Variants in PSD3 observed in about 807,000 individuals in gnomAD.
The protein encoded by PSD3 is pleckstrin and Sec7 domain containing 3.
Under a neutral mutation model 105.5 loss-of-function variants are expected in PSD3, and 49 were observed. The observed-to-expected ratio is 0.46, with a 90% CI of 0.37 to 0.59. PSD3 has a LOEUF of 0.59. Ranked by LOEUF, PSD3 falls within the 20% of genes least tolerant of loss-of-function variation. PSD3 has a pLI of 0.00. For synonymous variants in PSD3, 557 were observed against 457.8 expected (o/e 1.22, Z -2.77); for missense variants, 1,561 against 1,263.8 (o/e 1.24, Z -3.57).
At chr8:18,874,672 C>T (rs1471153997) in intron 2 of PSD3, among the ~76,000 whole-genome samples, 2 of 134,850 alleles carry the variant, frequency 1.5e-5, no homozygotes, top group Non-Finnish European at 3.0e-5. Flanking sequence ...CATTGTAGTC[C>T]AGCCTGGGTG....
At chr8:19,028,668 A>G (rs1021240126) in intron 1 of PSD3, among the ~76,000 whole-genome samples, 3 of 152,120 alleles carry the variant, frequency 2.0e-5, no homozygotes, top group African/African-American at 4.8e-5. Flanking sequence ...GGTGTCTTTG[A>G]AGAACAAATG....
intron 12 of PSD3, among the ~76,000 whole-genome samples, chr8:18,594,216 T>TTA (rs1246274390): frequency 5.5e-4 from 3 of 5,428 alleles, no homozygotes; most frequent in Admixed American, 4.2e-3. Context: ...ATATATATTA[T>TTA]TATATATATT....
Position 18,945,718 on chromosome 8 carries a change from G to A in PSD3, c.22-9576C>T, listed in dbSNP as rs140833656. On this transcript the variant is annotated intron_variant, in intron 1 of 15. Transcript: ENST00000327040. ...CAGCTGGGCGTGGTGGCTCACACCT[G>A]TAATCCCAGCACTTTGGGAGGCCCA... Among the ~76,000 whole-genome samples, 1,261 of 152,324 alleles carry A rather than the reference G, an allele frequency of 8.3e-3. 14 individuals are homozygous for A. The highest frequency in any genetic ancestry group is 0.029 in the African/African-American group (1,215 of 41,570).
chr8:18,733,152 T>C (rs915589503), intron 9 of PSD3: 15 of 152,186 alleles, frequency 9.9e-5, no homozygotes, highest in Non-Finnish European at 1.6e-4. Flanking sequence ...CTTATGACTT[T>C]TGGCTCAATG....
intron 1 of PSD3, among the ~76,000 whole-genome samples, chr8:19,001,124 T>G (rs1013940433): frequency 6.6e-6 from 1 of 151,606 alleles, no homozygotes; most frequent in Non-Finnish European, 1.5e-5. Flanking sequence ...AGATAAGATC[T>G]TGCTCTGTCA....
At chr8:19,032,373 T>C (rs1346615336) in intron 1 of PSD3, among the ~76,000 whole-genome samples, 3 of 152,112 alleles carry the variant, frequency 2.0e-5, no homozygotes, top group African/African-American at 7.2e-5. Context: ...CTGGGTGTGG[T>C]GGCTCACTCC....
intron 9 of PSD3, among the ~76,000 whole-genome samples, chr8:18,671,798 A>C (rs1006051002): frequency 2.6e-5 from 4 of 151,938 alleles, no homozygotes; most frequent in African/African-American, 9.7e-5. Flanking sequence ...CGTCCGGCTA[A>C]TTTTTTGTAT....
At chr8:18,630,950 G>C (rs564185924) in intron 11 of PSD3, among the ~76,000 whole-genome samples, 2 of 152,116 alleles carry the variant, frequency 1.3e-5, no homozygotes, top group Admixed American at 6.6e-5. Flanking sequence ...TTTTATATCA[G>C]GGACTTGAGT....
chr8:18,547,110 G>A (rs1466029912), intron 15 of PSD3, among the ~76,000 whole-genome samples: 1 of 152,108 alleles, frequency 6.6e-6, no homozygotes, highest in African/African-American at 2.4e-5. Flanking sequence ...TTGTTCCTGG[G>A]CCCTAGCACT....
At position 18,678,592 on chromosome 8, in the gene PSD3, G is replaced by A. The variant is rs76084514; in HGVS notation, c.2173-22907C>T. Among the ~76,000 whole-genome samples the A allele has an allele frequency of 4.0e-4, 61 of 152,318 alleles. No individual in the cohort carries two copies. In the East Asian group the frequency reaches 8.1e-3, roughly 20 times the overall value. On this transcript the variant is annotated intron_variant, in intron 9 of 15. Transcript: ENST00000327040. ...TTTGGGAGGCCTAAGTGGGCGGATCGCCTGAGGTTGGGAGTTCAAGACCAG... is the reference window on the plus strand; with the variant it reads ...TTTGGGAGGCCTAAGTGGGCGGATCACCTGAGGTTGGGAGTTCAAGACCAG...
rs1799817454 is a variant in PSD3 at position 18,535,856 on chromosome 8, T to C, written c.3031A>G (p.Ser1011Gly). 2.5e-6 allele frequency: 4 copies of C among 1,614,180 alleles called. No homozygotes were observed. Among genetic ancestry groups the C allele is most frequent in the Non-Finnish European group, 3.4e-6 (4 of 1,179,996 alleles). ...EAAGLKKSHS[S>G]PSLNPDTSPI... Reference sequence around the variant, plus strand: ...GAAGTATCCGGGTTCAGCGAAGGACTCGAGTGCGACTTCTTCAGTCCTGCA... The same window carrying C: ...GAAGTATCCGGGTTCAGCGAAGGACCCGAGTGCGACTTCTTCAGTCCTGCA... Residue 1011 changes from serine to glycine, a missense_variant, in exon 16 of 16, where the codon AGT (serine) becomes GGT (glycine). Physicochemically the swap from Ser to Gly is moderately conservative, Grantham distance 56 (BLOSUM62 0). Transcript: ENST00000327040.
At chr8:18,958,942 A>G (rs1032006315) in intron 1 of PSD3, among the ~76,000 whole-genome samples, 4 of 148,736 alleles carry the variant, frequency 2.7e-5, no homozygotes, top group Non-Finnish European at 5.9e-5. Flanking sequence ...TTCTTTTGAG[A>G]CGGAGTCTTG....
At chr8:18,590,638 A>T (rs917949304) in intron 12 of PSD3, among the ~76,000 whole-genome samples, 1 of 152,166 alleles carries the variant, frequency 6.6e-6, no homozygotes, top group Non-Finnish European at 1.5e-5. Context: ...TAAGAAAATA[A>T]AAGAGATATG....
chr8:18,785,780 G>C (rs1809085678), intron 8 of PSD3, among the ~76,000 whole-genome samples: 1 of 152,088 alleles, frequency 6.6e-6, no homozygotes, highest in Non-Finnish European at 1.5e-5. Flanking sequence ...CCATTCTAAG[G>C]CTATTAATTG....
chr8:18,744,088 T>C (rs753286477), intron 9 of PSD3, among the ~76,000 whole-genome samples: 11 of 152,044 alleles, frequency 7.2e-5, no homozygotes, highest in Admixed American at 1.3e-4. Flanking sequence ...TTAACATAAA[T>C]GGTATCATTC....
chr8:18,627,882 A>G (rs1388247280), intron 11 of PSD3, among the ~76,000 whole-genome samples: 2 of 152,008 alleles, frequency 1.3e-5, no homozygotes, highest in Non-Finnish European at 2.9e-5. Flanking sequence ...ACAGAAAGGA[A>G]GGTTATCAAA....
chr8:18,656,318 A>G (rs10102867), intron 9 of PSD3, among the ~76,000 whole-genome samples: 60,949 of 151,138 alleles, frequency 0.4, 12,800 homozygotes, highest in African/African-American at 0.51. Flanking sequence ...TCAGCCTCCC[A>G]AAGTGCTGGG....
At chr8:18,798,893 C>T (rs925968764) in intron 8 of PSD3, among the ~76,000 whole-genome samples, 1 of 152,098 alleles carries the variant, frequency 6.6e-6, no homozygotes, top group South Asian at 2.1e-4. Context: ...ACAAGAAAGG[C>T]TGAGTTATTC....
intron 1 of PSD3, among the ~76,000 whole-genome samples, chr8:18,955,267 G>T (rs144958012): frequency 6.6e-6 from 1 of 151,998 alleles, no homozygotes; most frequent in South Asian, 2.1e-4. Flanking sequence ...TAGAGACAGG[G>T]TCTCACTCTG....
Sources: gnomAD v4.1 joint callset for allele counts (sites outside exome capture counted in the v4.1 genomes callset) on GRCh38, gnomAD v4.1.1 for gene constraint, MANE v1.5 for transcripts, NCBI Gene and HGNC (gene_info 2026-07-23, HGNC 2026-07-21) for gene names.